The following ARPC1A variants were observed in gnomAD, a reference collection of about 807,000 sequenced individuals.
The protein encoded by ARPC1A is actin related protein 2/3 complex subunit 1A, also known as actin-related protein 2/3 complex subunit 1A.
ARPC1A carries 8 observed loss-of-function variants against 46.9 expected under a neutral mutation model. That is an observed-to-expected ratio of 0.17 (90% confidence interval 0.10 to 0.31). The LOEUF is 0.31. ARPC1A is among the 10% of genes least tolerant of loss of function. ARPC1A has a pLI of 1.00. For synonymous variants in ARPC1A, 152 were observed against 169.0 expected, an observed-to-expected ratio of 0.90 and a Z score of 0.78; for missense variants, 286 against 483.6, an observed-to-expected ratio of 0.59 and a Z score of 3.83.
In ARPC1A at chr7:99,358,536, C is replaced by CTTT. The variant is rs5886103; in HGVS notation, c.789+141_789+143dup. On this transcript the variant is annotated intron_variant, in intron 7 of 9. Transcript: ENST00000262942. ...AGTTTTTTAGAAGAAACAGAGCTCACTTTTTTTTTTTTTTTTTTTTTTGAG... is the reference window on the plus strand; with the variant it reads ...AGTTTTTTAGAAGAAACAGAGCTCACTTTTTTTTTTTTTTTTTTTTTTTTTGAG... The CTTT allele has an allele frequency of 2.5e-3, 794 of 318,896 alleles. 1 individual carries two copies. Among genetic ancestry groups the CTTT allele is most frequent in the South Asian group, 3.3e-3 (105 of 32,288 alleles). The allele number at this position is 318,896 out of a possible 1,614,324, so 19.8% of individuals were successfully genotyped here.
intron 2 of ARPC1A, among the ~76,000 whole-genome samples, chr7:99,337,742 G>C (rs186138180): frequency 2.9e-4 from 44 of 152,210 alleles, no homozygotes; most frequent in African/African-American, 1.0e-3. Context: ...GTTCCAGCCT[G>C]GGTCCATGAT....
chr7:99,335,121 G>A (rs1793220267), intron 2 of ARPC1A, among the ~76,000 whole-genome samples: 1 of 151,952 alleles, frequency 6.6e-6, no homozygotes, highest in African/African-American at 2.4e-5. Flanking sequence ...TGGGATTACA[G>A]GTGTAAGCCA....
intron 4 of ARPC1A, among the ~76,000 whole-genome samples, chr7:99,347,783 C>A (rs572788696): frequency 6.7e-6 from 1 of 149,750 alleles, no homozygotes; most frequent in South Asian, 2.1e-4. Context: ...GAGCTGAGAT[C>A]ACGCCATTGC....
chr7:99,328,295 G>T (rs1194905691), intron 1 of ARPC1A, among the ~76,000 whole-genome samples: 2 of 152,238 alleles, frequency 1.3e-5, no homozygotes, highest in East Asian at 3.9e-4. Context: ...CTTGAACCCG[G>T]GAGACGGAGG....
chr7:99,361,785 AG>A (rs1793744783), intron 8 of ARPC1A, among the ~76,000 whole-genome samples: 1 of 152,176 alleles, frequency 6.6e-6, no homozygotes, highest in South Asian at 2.1e-4. Context: ...TTTTCTGTAA[AG>A]GACCAGATAG....
intron 3 of ARPC1A, 49 bp downstream of exon 3, chr7:99,338,334 C>G (rs1196571072): frequency 7.7e-7 from 1 of 1,295,866 alleles, no homozygotes; most frequent in Non-Finnish European, 1.1e-6. Context: ...AAATCAGGCA[C>G]TCTTCCTTTT....
intron 1 of ARPC1A, among the ~76,000 whole-genome samples, chr7:99,329,032 G>A (rs1174628959): frequency 1.3e-5 from 2 of 151,952 alleles, no homozygotes; most frequent in Non-Finnish European, 2.9e-5. Context: ...AGGGCGCGGT[G>A]GCTCACGCCT....
At chr7:99,362,336 CTT>C (rs771655890) in intron 8 of ARPC1A, among the ~76,000 whole-genome samples, 3,507 of 129,458 alleles carry the variant, frequency 0.027, 75 homozygotes, top group South Asian at 0.032. Flanking sequence ...CCCCGCCCCC[CTT>C]TTTTTTTTTT....
intron 3 of ARPC1A, among the ~76,000 whole-genome samples, chr7:99,341,455 C>A (rs544893645): frequency 6.7e-6 from 1 of 149,690 alleles, no homozygotes; most frequent in East Asian, 2.0e-4. Context: ...TAAAAATACA[C>A]AAAATTAGCT....
intron 6 of ARPC1A, among the ~76,000 whole-genome samples, chr7:99,354,419 G>A (rs1006212348): frequency 6.6e-6 from 1 of 151,220 alleles, no homozygotes; most frequent in Non-Finnish European, 1.5e-5. Context: ...CTACTCGGAA[G>A]GCTGAGGCAG....
At chr7:99,364,557 C>G (rs916857400) in intron 9 of ARPC1A, among the ~76,000 whole-genome samples, 2 of 152,090 alleles carry the variant, frequency 1.3e-5, no homozygotes, top group Admixed American at 1.3e-4. Flanking sequence ...CAGGCGTGAG[C>G]CACTGCGCCC....
At chr7:99,360,224 T>G (rs1562803459) in intron 8 of ARPC1A, 1 of 172,796 alleles carries the variant, frequency 5.8e-6, no homozygotes, top group South Asian at 1.4e-4. Flanking sequence ...ACAGAATTTC[T>G]TATCATCATG....
intron 3 of ARPC1A, among the ~76,000 whole-genome samples, chr7:99,341,678 G>A (rs1426306520): frequency 6.6e-6 from 1 of 151,520 alleles, no homozygotes; most frequent in Non-Finnish European, 1.5e-5. Context: ...AATGAGAAAA[G>A]GCAAAGATGA....
intron 6 of ARPC1A, among the ~76,000 whole-genome samples, chr7:99,356,862 T>C (rs1793644772): frequency 6.6e-6 from 1 of 152,078 alleles, no homozygotes; most frequent in Non-Finnish European, 1.5e-5. Flanking sequence ...ATTGCGCCAC[T>C]GCACTCTAGG....
chr7:99,340,204 C>G (rs566890337), intron 3 of ARPC1A, among the ~76,000 whole-genome samples: 1 of 152,102 alleles, frequency 6.6e-6, no homozygotes, highest in African/African-American at 2.4e-5. Context: ...ATTCTGTCGT[C>G]TAGGCTGAAA....
At chr7:99,348,267 C>G (rs1793493241) in intron 4 of ARPC1A, among the ~76,000 whole-genome samples, 1 of 152,134 alleles carries the variant, frequency 6.6e-6, no homozygotes, top group Non-Finnish European at 1.5e-5. Context: ...CCTATGTAAT[C>G]CGAAATCTCA....
intron 9 of ARPC1A, among the ~76,000 whole-genome samples, chr7:99,365,533 G>A (rs1437850069): frequency 1.3e-5 from 2 of 151,840 alleles, no homozygotes; most frequent in Admixed American, 6.6e-5. Context: ...AGGATCACTT[G>A]AGCCCAGGAG....
chr7:99,346,834 C>A (rs190281476), intron 4 of ARPC1A, among the ~76,000 whole-genome samples: 2 of 152,134 alleles, frequency 1.3e-5, no homozygotes. Context: ...AAAATATTAG[C>A]CAGGTGTGGT....
chr7:99,355,190 G>A (rs954996502), intron 6 of ARPC1A, among the ~76,000 whole-genome samples: 1 of 151,732 alleles, frequency 6.6e-6, no homozygotes, highest in African/African-American at 2.4e-5. Context: ...GCTGAGGCTA[G>A]AGAATCTCTG....
Sources: allele counts gnomAD v4.1 joint callset (sites outside exome capture counted in the v4.1 genomes callset), GRCh38; gene constraint gnomAD v4.1.1; transcripts MANE v1.5; gene names NCBI Gene and HGNC (gene_info 2026-07-23, HGNC 2026-07-21).